The following TTBK2 variants were observed in gnomAD, a reference collection of about 807,000 sequenced individuals.
TTBK2 encodes tau-tubulin kinase 2.
TTBK2 carries 28 observed loss-of-function variants against 110.8 expected under a neutral mutation model. The observed-to-expected ratio is 0.25, with a 90% confidence interval of 0.19 to 0.35. The LOEUF (loss-of-function observed/expected upper bound fraction) is 0.35. TTBK2 is among the 10% of genes least tolerant of loss of function. The pLI is 1.00. For missense variants in TTBK2, 1,369 were observed against 1,500.3 expected, an observed-to-expected ratio of 0.91 and a Z score of 1.45; for synonymous variants, 532 against 527.3, an observed-to-expected ratio of 1.01 and a Z score of -0.12.
At chr15:42,777,281 A>T (rs1273855430) in intron 11 of TTBK2, 39 bp from the exon 12 acceptor site, 4 of 1,590,752 alleles carry the variant, frequency 2.5e-6, no homozygotes, top group Non-Finnish European at 3.4e-6. Flanking sequence ...AAAACATTCT[A>T]GGCAACACAC....
intron 6 of TTBK2, among the ~76,000 whole-genome samples, chr15:42,827,563 G>T (rs1040855558): frequency 6.6e-6 from 1 of 152,202 alleles, no homozygotes; most frequent in African/African-American, 2.4e-5. Flanking sequence ...TGTGATGACA[G>T]TGTGGCACCA....
intron 9 of TTBK2, among the ~76,000 whole-genome samples, chr15:42,799,713 G>T (rs927999945): frequency 5.9e-5 from 9 of 152,070 alleles, no homozygotes; most frequent in African/African-American, 2.2e-4. Context: ...TGGGATTACA[G>T]GCGTGAGCCA....
intron 2 of TTBK2, among the ~76,000 whole-genome samples, chr15:42,877,109 G>T (rs892406868): frequency 6.6e-6 from 1 of 151,978 alleles, no homozygotes; most frequent in African/African-American, 2.4e-5. Context: ...TCAAATAATT[G>T]ATGATAAAAA....
chr15:42,878,838 G>A (rs896992708), intron 1 of TTBK2, among the ~76,000 whole-genome samples, 154 bp from the exon 2 acceptor site: 1 of 152,098 alleles, frequency 6.6e-6, no homozygotes, highest in Non-Finnish European at 1.5e-5. Context: ...TGTTTGATGC[G>A]TATTTTTAAA....
chr15:42,874,584 T>A (rs1001991807), intron 2 of TTBK2, among the ~76,000 whole-genome samples: 7 of 151,974 alleles, frequency 4.6e-5, no homozygotes, highest in African/African-American at 1.7e-4. Context: ...CCCAAAGTGC[T>A]GGGATTCCAG....
chr15:42,828,041 A>T lies in TTBK2; in HGVS notation c.433-9T>A. 1 of 1,597,598 alleles carries T rather than the reference A, an allele frequency of 6.3e-7. No homozygotes were observed. The highest frequency in any genetic ancestry group is 8.6e-7 in the Non-Finnish European group (1 of 1,165,900). ...CCCATAGCGAAGTTCGACTAGAAAA[A>T]TAAAGAAGGAAAATATATACATTCT... On this transcript the variant is annotated splice_polypyrimidine_tract_variant and intron_variant, in intron 5 of 14. Transcript: ENST00000267890.
intron 9 of TTBK2, among the ~76,000 whole-genome samples, chr15:42,808,318 TA>T (rs1184907608): frequency 5.9e-5 from 9 of 152,218 alleles, no homozygotes; most frequent in African/African-American, 2.2e-4. Flanking sequence ...TTATAAAATA[TA>T]CACAAAGTGA....
chr15:42,851,372 T>C (rs1893705120), intron 3 of TTBK2, among the ~76,000 whole-genome samples: 2 of 152,090 alleles, frequency 1.3e-5, no homozygotes, highest in Admixed American at 1.3e-4. Context: ...TTCAGTGTTT[T>C]GTATGCCATG....
chr15:42,847,830 T>A (rs1893530376), intron 3 of TTBK2, among the ~76,000 whole-genome samples: 1 of 152,232 alleles, frequency 6.6e-6, no homozygotes, highest in Non-Finnish European at 1.5e-5. Flanking sequence ...CTGTACTACG[T>A]TTTAAAATCA....
At chr15:42,848,825 A>G (rs1236782978) in intron 3 of TTBK2, among the ~76,000 whole-genome samples, 2 of 152,176 alleles carry the variant, frequency 1.3e-5, no homozygotes, top group East Asian at 3.8e-4. Context: ...TTTATACACT[A>G]TGTACTTCTT....
At chr15:42,910,827 C>T (rs1017603210) in intron 1 of TTBK2, among the ~76,000 whole-genome samples, 4 of 152,006 alleles carry the variant, frequency 2.6e-5, no homozygotes, top group African/African-American at 9.7e-5. Context: ...AGGCAGATCA[C>T]GAGGTGAGGA....
At chr15:42,776,172 T>C (rs1889912555) in intron 12 of TTBK2, among the ~76,000 whole-genome samples, 1 of 152,206 alleles carries the variant, frequency 6.6e-6, no homozygotes. Context: ...GGACGCCAGA[T>C]TGGAGTAGGC....
intron 14 of TTBK2, among the ~76,000 whole-genome samples, chr15:42,747,925 G>C (rs2061817926): frequency 6.6e-6 from 1 of 152,066 alleles, no homozygotes; most frequent in East Asian, 1.9e-4. Context: ...ATACACTTTA[G>C]ATCGATAGTA....
At chr15:42,754,015 G>A (rs1184409495) in intron 13 of TTBK2, among the ~76,000 whole-genome samples, 1 of 151,576 alleles carries the variant, frequency 6.6e-6, no homozygotes, top group South Asian at 2.1e-4. Flanking sequence ...TAAATACTAG[G>A]ATTATATCTT....
intron 3 of TTBK2, among the ~76,000 whole-genome samples, chr15:42,867,010 C>T (rs12441352): frequency 0.078 from 11,850 of 151,908 alleles, 601 homozygotes; most frequent in Middle Eastern, 0.13. Flanking sequence ...TTTGAGAGGC[C>T]GAGGCGGGCG....
At chr15:42,779,272 G>C (rs565985837) in intron 11 of TTBK2, among the ~76,000 whole-genome samples, 2 of 152,182 alleles carry the variant, frequency 1.3e-5, no homozygotes, top group South Asian at 4.1e-4. Context: ...AGCCAGGTGT[G>C]GTGGTGCATG....
At chr15:42,801,190 T>C (rs754690683) in intron 9 of TTBK2, 3 of 1,383,730 alleles carry the variant, frequency 2.2e-6, no homozygotes, top group East Asian at 4.5e-5. Context: ...TGGATACTCA[T>C]GTTCTGCATC....
At chr15:42,835,231 A>T (rs566263864) in intron 4 of TTBK2, among the ~76,000 whole-genome samples, 1 of 152,314 alleles carries the variant, frequency 6.6e-6, no homozygotes, top group Admixed American at 6.5e-5. Context: ...AAATGGATGG[A>T]TCAGACTGAC....
chr15:42,806,874 C>T (rs541281668), intron 9 of TTBK2, among the ~76,000 whole-genome samples: 5 of 151,142 alleles, frequency 3.3e-5, no homozygotes, highest in African/African-American at 1.2e-4. Context: ...TTATGTGTAG[C>T]CCAAGACAAT....
Sources: gnomAD v4.1 joint callset for allele counts (sites outside exome capture counted in the v4.1 genomes callset) on GRCh38, gnomAD v4.1.1 for gene constraint, MANE v1.5 for transcripts, NCBI Gene and HGNC (gene_info 2026-07-23, HGNC 2026-07-21) for gene names.